Variants in GRIA4 observed in about 807,000 individuals in gnomAD.
GRIA4 encodes the protein glutamate receptor 4.
GRIA4 carries 34 observed loss-of-function variants against 104.0 expected under a neutral mutation model. The observed-to-expected ratio is 0.33, with a 90% CI of 0.25 to 0.44. The LOEUF (loss-of-function observed/expected upper bound fraction) is 0.44, where lower values mean the gene tolerates loss of function less well. Among genes scored for constraint, GRIA4 ranks in the 20% least tolerant of loss-of-function variants. The pLI, the probability that GRIA4 is intolerant of heterozygous loss-of-function variation, is 1.00. For synonymous variants in GRIA4, 386 were observed against 381.9 expected (o/e 1.01, Z -0.13); for missense variants, 750 against 1,096.5 (o/e 0.68, Z 4.46).
chr11:105,690,952 C>G (rs1403643150), intron 3 of GRIA4, among the ~76,000 whole-genome samples: 2 of 152,074 alleles, frequency 1.3e-5, no homozygotes, highest in Non-Finnish European at 1.5e-5. Context: ...CTTTTAAACT[C>G]AGTTTTCATT....
intron 4 of GRIA4, among the ~76,000 whole-genome samples, chr11:105,764,044 G>A (rs548655027): frequency 2.0e-5 from 3 of 152,326 alleles, no homozygotes; most frequent in Admixed American, 2.0e-4. Flanking sequence ...TTCAGAAATA[G>A]TACATAGAAT....
At chr11:105,634,780 T>A (rs1052523360) in intron 3 of GRIA4, among the ~76,000 whole-genome samples, 10 of 152,236 alleles carry the variant, frequency 6.6e-5, no homozygotes, top group African/African-American at 2.4e-4. Flanking sequence ...GTTGCCTGTA[T>A]TATTTTCTGG....
At chr11:105,791,838 C>T (rs190660790) in intron 4 of GRIA4, among the ~76,000 whole-genome samples, 1 of 152,180 alleles carries the variant, frequency 6.6e-6, no homozygotes, top group East Asian at 1.9e-4. Context: ...TACACGTGGG[C>T]AATGTCATGA....
intron 4 of GRIA4, among the ~76,000 whole-genome samples, chr11:105,827,490 C>T (rs1487410283): frequency 6.6e-6 from 1 of 151,504 alleles, no homozygotes; most frequent in African/African-American, 2.4e-5. Context: ...TAAAATAAAT[C>T]TTCTTCATTT....
chr11:105,897,487 GT>G (rs1276208924), intron 6 of GRIA4, among the ~76,000 whole-genome samples: 1 of 152,022 alleles, frequency 6.6e-6, no homozygotes, highest in African/African-American at 2.4e-5. Context: ...TCTTGTTCCA[GT>G]TATTAGGAAT....
intron 3 of GRIA4, among the ~76,000 whole-genome samples, chr11:105,717,348 C>T (rs1324582581): frequency 6.6e-6 from 1 of 152,052 alleles, no homozygotes; most frequent in Non-Finnish European, 1.5e-5. Flanking sequence ...AATGGGAATT[C>T]TGCTCCTACC....
intron 5 of GRIA4, among the ~76,000 whole-genome samples, chr11:105,886,631 T>C (rs946455792): frequency 6.6e-6 from 1 of 152,140 alleles, no homozygotes; most frequent in African/African-American, 2.4e-5. Context: ...GATAATAAAA[T>C]GCTTAAAATA....
chr11:105,827,930 AAAG>A (rs2135923615), intron 4 of GRIA4, among the ~76,000 whole-genome samples: 1 of 152,194 alleles, frequency 6.6e-6, no homozygotes, highest in South Asian at 2.1e-4. Flanking sequence ...TTTCTGGTAT[AAAG>A]TAGAATTTTA....
chr11:105,906,403 A>C, intron 9 of GRIA4, among the ~76,000 whole-genome samples: 1 of 152,146 alleles, frequency 6.6e-6, no homozygotes. Flanking sequence ...AGGAGGTGGG[A>C]TTTAAAATTG....
At chr11:105,967,703 CAA>C (rs5794444) in intron 14 of GRIA4, among the ~76,000 whole-genome samples, 40,340 of 146,106 alleles carry the variant, frequency 0.28, 5,422 homozygotes, top group Non-Finnish European at 0.29. Context: ...GTTTGTATAC[CAA>C]AAAAAAAAAA....
At chr11:105,693,664 T>C (rs1455114394) in intron 3 of GRIA4, among the ~76,000 whole-genome samples, 2 of 152,168 alleles carry the variant, frequency 1.3e-5, no homozygotes, top group African/African-American at 4.8e-5. Flanking sequence ...AGCACAAGTA[T>C]TCATATTTCT....
intron 7 of GRIA4, among the ~76,000 whole-genome samples, chr11:105,901,380 G>T (rs1417463708): frequency 6.6e-6 from 1 of 152,026 alleles, no homozygotes; most frequent in Admixed American, 6.6e-5. Flanking sequence ...GCCCAATTCT[G>T]TCTTGTTATC....
intron 12 of GRIA4, among the ~76,000 whole-genome samples, chr11:105,926,475 T>C (rs1947708259): frequency 6.6e-6 from 1 of 152,086 alleles, no homozygotes; most frequent in South Asian, 2.1e-4. Flanking sequence ...GAAGAAAAGC[T>C]ATTAAGTTTT....
chr11:105,784,440 C>A (rs1024779589), intron 4 of GRIA4, among the ~76,000 whole-genome samples: 1 of 152,160 alleles, frequency 6.6e-6, no homozygotes, highest in Admixed American at 6.5e-5. Flanking sequence ...CAATATTCAT[C>A]CTTGAAAGGA....
intron 14 of GRIA4, among the ~76,000 whole-genome samples, chr11:105,969,080 T>C (rs756012455): frequency 5.9e-5 from 9 of 152,206 alleles, no homozygotes; most frequent in Non-Finnish European, 1.3e-4. Flanking sequence ...TTTGTAAGTG[T>C]TATTATACCA....
intron 3 of GRIA4, among the ~76,000 whole-genome samples, chr11:105,711,293 G>A (rs961846519): frequency 1.1e-4 from 16 of 152,058 alleles, no homozygotes; most frequent in Non-Finnish European, 1.8e-4. Context: ...GGGGAGAGGG[G>A]AGGGATAGCA....
chr11:105,931,514 C>T (rs1384611725), intron 13 of GRIA4, among the ~76,000 whole-genome samples: 1 of 151,774 alleles, frequency 6.6e-6, no homozygotes. Context: ...ACCAGCCTGG[C>T]CAACATGATG....
intron 3 of GRIA4, chr11:105,706,938 G>T (rs1003701834): frequency 6.6e-6 from 1 of 152,158 alleles, no homozygotes; most frequent in East Asian, 1.9e-4. Flanking sequence ...TACGTCAAAA[G>T]GTCAGAGATG....
chr11:105,927,591 T>TTA (rs1194821260), intron 13 of GRIA4, among the ~76,000 whole-genome samples: 1 of 152,080 alleles, frequency 6.6e-6, no homozygotes, highest in Non-Finnish European at 1.5e-5. Context: ...TATAATTGCA[T>TTA]TATATATATG....
Sources: gnomAD v4.1 joint callset for allele counts (sites outside exome capture counted in the v4.1 genomes callset) on GRCh38, gnomAD v4.1.1 for gene constraint, MANE v1.5 for transcripts, NCBI Gene and HGNC (gene_info 2026-07-23, HGNC 2026-07-21) for gene names.